The following THAP9 variants were observed in gnomAD, a reference collection of about 807,000 sequenced individuals.
THAP9 encodes the protein THAP domain containing 9, also known as DNA transposase THAP9.
A neutral mutation model predicts 35.7 loss-of-function variants in THAP9; 20 were observed. The ratio of observed to expected loss-of-function variants is 0.56; its 90% confidence interval spans 0.39 to 0.81. The LOEUF (loss-of-function observed/expected upper bound fraction) is 0.81. Among genes scored for constraint, THAP9 ranks in the 40% least tolerant of loss-of-function variants. THAP9 has a pLI of 0.00. For synonymous variants in THAP9, 335 were observed against 373.7 expected, an observed-to-expected ratio of 0.90 and a Z score of 1.19; for missense variants, 870 against 1,047.4, an observed-to-expected ratio of 0.83 and a Z score of 2.34.
chr4:82,908,040 G>A, intron 4 of THAP9, 105 bp downstream of exon 4: 3 of 1,231,106 alleles, frequency 2.4e-6, no homozygotes, highest in South Asian at 1.5e-5. Flanking sequence ...TTATTCTTTT[G>A]TTGCATTTTA....
intron 4 of THAP9, among the ~76,000 whole-genome samples, chr4:82,911,770 G>A (rs1209473689): frequency 2.0e-5 from 3 of 152,228 alleles, no homozygotes; most frequent in African/African-American, 7.2e-5. Flanking sequence ...TTAACTGAGA[G>A]TTGAGGAGGA....
chr4:82,917,999 T>G lies in THAP9; in HGVS notation c.1787T>G (p.Val596Gly). Reference protein sequence around the residue: ...WLYQNYVFPKVMPFPYLLTYK... With the variant: ...WLYQNYVFPKGMPFPYLLTYK... ...TACCAAAATTATGTTTTCCCAAAGG[T>G]CATGCCTTTTCCTTATCTTCTGACT... The change falls in exon 5 of 5, where the codon GTC becomes GGC. Residue 596 changes from valine to glycine, a missense_variant. Around this residue, in one of 3 missense-constraint regions of THAP9, gnomAD observed 414 missense variants for 500.8 expected, o/e 0.83. Coordinates refer to ENST00000302236, the MANE Select transcript of THAP9 (RefSeq NM_024672.6). 1 of 1,614,016 alleles carries G rather than the reference T, an allele frequency of 6.2e-7. No individual in the cohort carries two copies. Among genetic ancestry groups the G allele is most frequent in the African/African-American group, 1.3e-5 (1 of 75,044 alleles).
At chr4:82,905,394 T>C (rs546096808) in intron 2 of THAP9, among the ~76,000 whole-genome samples, 1 of 152,342 alleles carries the variant, frequency 6.6e-6, no homozygotes, top group East Asian at 1.9e-4. Context: ...ATTGGTATGA[T>C]ATTCTTCTGT....
chr4:82,917,233 T>C lies in THAP9; in HGVS notation c.1021T>C (p.Phe341Leu), dbSNP rs1376125256. 6.8e-6 allele frequency: 11 copies of C among 1,614,022 alleles called. No homozygotes were observed. Among genetic ancestry groups the C allele is most frequent in the African/African-American group, 2.7e-5 (2 of 74,930 alleles). ...TTGGAGAACACCTCTTGGTTATTTTTTTGTAAACAGAGCATCTGGATATTT... is the reference window on the plus strand; with the variant it reads ...TTGGAGAACACCTCTTGGTTATTTTCTTGTAAACAGAGCATCTGGATATTT... Reference protein sequence around the residue: ...GHWRTPLGYFFVNRASGYLQA... With the variant: ...GHWRTPLGYFLVNRASGYLQA... Residue 341 changes from phenylalanine to leucine, a missense_variant, in exon 5 of 5, where the codon TTT becomes CTT. By Grantham distance (22) the Phe-to-Leu change is conservative. Around this residue, in one of 3 missense-constraint regions of THAP9, gnomAD observed 440 missense variants for 501.2 expected, o/e 0.88. Transcript: ENST00000302236.
At chr4:82,906,195 T>G in intron 2 of THAP9, 129 bp from the exon 3 acceptor site, 1 of 751,296 alleles carries the variant, frequency 1.3e-6, no homozygotes, top group South Asian at 2.1e-5. Context: ...ATTCAGAGAT[T>G]ATGACCTTTT....
At position 82,914,408 on chromosome 4, in the gene THAP9, A is replaced by G. The variant is rs534406983; in HGVS notation, c.732-2536A>G. 2.6e-5 allele frequency among the ~76,000 whole-genome samples: 4 copies of G among 152,310 alleles called. No individual in the cohort carries two copies. The South Asian group carries it at 8.3e-4, about 32-fold the overall frequency. ...AGCCCTTTGAGGAATCACTTTCCAC[A>G]ACAATTGAATTAATTTACACTCCCA... is the stretch of plus-strand genomic sequence containing the variant. On this transcript the variant is annotated intron_variant, in intron 4 of 4. Coordinates refer to ENST00000302236, the MANE Select transcript of THAP9 (RefSeq NM_024672.6).
At position 82,918,986 on chromosome 4, in the gene THAP9, A is replaced by G. The variant is rs1721148158; in HGVS notation, c.*62A>G. On this transcript the variant is annotated 3_prime_UTR_variant, in exon 5 of 5. Coordinates refer to ENST00000302236, the MANE Select transcript of THAP9 (RefSeq NM_024672.6). Reference sequence around the variant, plus strand: ...CTTGATCAACATTTTTTGAAGTTCAATTTACCATATTTTATAAATTGCGCA... The same window carrying G: ...CTTGATCAACATTTTTTGAAGTTCAGTTTACCATATTTTATAAATTGCGCA... 3.0e-6 allele frequency: 4 copies of G among 1,334,262 alleles called. No individual in the cohort carries two copies. The highest frequency in any genetic ancestry group is 4.1e-6 in the Non-Finnish European group (4 of 978,092). The allele number at this position is 1,334,262 out of a possible 1,614,324, so 82.7% of individuals were successfully genotyped here. A position where few individuals can be genotyped will look rare whatever the true frequency, so the allele number is the denominator to read the frequency against.
intron 4 of THAP9, among the ~76,000 whole-genome samples, chr4:82,910,974 T>C (rs78454180): frequency 2.0e-5 from 3 of 152,240 alleles, no homozygotes; most frequent in African/African-American, 7.2e-5. Context: ...TGTGGGCTCT[T>C]CCATGGAGTT....
intron 4 of THAP9, 29 bp downstream of exon 4, chr4:82,907,964 A>C: frequency 1.2e-6 from 2 of 1,600,264 alleles, no homozygotes; most frequent in Non-Finnish European, 1.7e-6. Context: ...TATTTTTTAA[A>C]AGTGACTTTC....
At chr4:82,908,099 T>C (rs1285134535) in intron 4 of THAP9, among the ~76,000 whole-genome samples, 164 bp downstream of exon 4, 3 of 152,096 alleles carry the variant, frequency 2.0e-5, no homozygotes, top group Non-Finnish European at 1.5e-5. Flanking sequence ...AAAGAAAAAA[T>C]GGACTAATGA....
intron 4 of THAP9, among the ~76,000 whole-genome samples, chr4:82,915,326 G>A (rs1363924563): frequency 4.6e-5 from 7 of 152,102 alleles, no homozygotes; most frequent in African/African-American, 1.4e-4. Context: ...GCACAATCTC[G>A]GCTCACTGCA....
intron 3 of THAP9, among the ~76,000 whole-genome samples, chr4:82,907,244 G>A (rs1720680611): frequency 1.3e-5 from 2 of 152,082 alleles, no homozygotes; most frequent in African/African-American, 4.8e-5. Flanking sequence ...AAAGAGAAAT[G>A]TGTCCTCTTT....
In THAP9 at chr4:82,911,266, G is replaced by C. The variant is rs565113004; in HGVS notation, c.731+3331G>C. On this transcript the variant is annotated intron_variant, in intron 4 of 4. Coordinates refer to ENST00000302236, the MANE Select transcript of THAP9 (RefSeq NM_024672.6). ...ACAGATAAAATAGGTTAACAGATTT[G>C]GTAGTAGGAAAATGAGTTTTGTCTT... Among the ~76,000 whole-genome samples the C allele has an allele frequency of 3.3e-5, 5 of 150,494 alleles. No homozygotes were observed. The East Asian group carries it at 9.7e-4, about 29-fold the overall frequency.
chr4:82,910,647 C>T, intron 4 of THAP9: 1 of 506,450 alleles, frequency 2.0e-6, no homozygotes, highest in Non-Finnish European at 3.1e-6. Flanking sequence ...AGTATTAGAT[C>T]TTTATAATCA....
intron 2 of THAP9, chr4:82,905,993 G>A: frequency 2.2e-6 from 1 of 459,266 alleles, no homozygotes; most frequent in Non-Finnish European, 4.4e-6. Flanking sequence ...TAACTTCTCT[G>A]TCACCTTCAT....
At position 82,911,933 on chromosome 4, in the gene THAP9, C is replaced by T. The variant is rs540092251; in HGVS notation, c.731+3998C>T. Among the ~76,000 whole-genome samples the T allele has an allele frequency of 3.3e-5, 5 of 152,290 alleles. No individual in the cohort carries two copies. In the East Asian group the frequency reaches 5.8e-4, roughly 18 times the overall value. On this transcript the variant is annotated intron_variant, in intron 4 of 4. Coordinates refer to ENST00000302236, the MANE Select transcript of THAP9 (RefSeq NM_024672.6). ...AACAATTAGATGGTTAACAATTAGA[C>T]GATGACAGACCAAACTAGACTTAAA...
chr4:82,917,667 T>G lies in THAP9; in HGVS notation c.1455T>G (p.Ser485Arg). 1 of 1,613,284 alleles carries G rather than the reference T, an allele frequency of 6.2e-7. No individual in the cohort carries two copies. ...VNSATQLFSESVASALEYLLS... is the reference protein window; with the variant it reads ...VNSATQLFSERVASALEYLLS... The stretch of plus-strand genomic sequence containing the variant: ...GTGCCACCCAACTCTTTAGTGAGAG[T>G]GTAGCCAGTGCATTAGAATATTTGT... The change falls in exon 5 of 5, where the codon AGT (serine) becomes AGG (arginine). Residue 485 changes from serine to arginine, a missense_variant. Physicochemically the swap from Ser to Arg is moderately radical, Grantham distance 110 (BLOSUM62 -1). Around this residue, in one of 3 missense-constraint regions of THAP9, gnomAD observed 414 missense variants for 500.8 expected, o/e 0.83. Coordinates refer to ENST00000302236, the MANE Select transcript of THAP9 (RefSeq NM_024672.6).
At chr4:82,911,364 G>C (rs1361918053) in intron 4 of THAP9, among the ~76,000 whole-genome samples, 2 of 152,074 alleles carry the variant, frequency 1.3e-5, no homozygotes, top group Non-Finnish European at 2.9e-5. Context: ...GGCTGTGGAG[G>C]ACGGACCACG....
intron 3 of THAP9, among the ~76,000 whole-genome samples, 157 bp downstream of exon 3, chr4:82,906,784 C>A (rs1720665740): frequency 6.6e-6 from 1 of 152,094 alleles, no homozygotes; most frequent in Admixed American, 6.5e-5. Context: ...CACCAAAATT[C>A]TTTTGTATCT....
Sources: gnomAD v4.1 joint callset for allele counts (sites outside exome capture counted in the v4.1 genomes callset) on GRCh38, gnomAD v4.1.1 for gene constraint, gnomAD v4.1.1 regional missense constraint, MANE v1.5 for transcripts, NCBI Gene and HGNC (gene_info 2026-07-23, HGNC 2026-07-21) for gene names.